LMX1A: variants seen among roughly 807,000 people sequenced by gnomAD.
The protein encoded by LMX1A is LIM homeobox transcription factor 1 alpha, also known as LIM homeobox transcription factor 1-alpha.
A neutral mutation model predicts 49.1 loss-of-function variants in LMX1A; 15 were observed. That is an observed-to-expected ratio of 0.31 (90% CI 0.20 to 0.47). The LOEUF is 0.47. LMX1A is among the 20% of genes least tolerant of loss of function. The pLI is 1.00. For synonymous variants in LMX1A, 167 were observed against 185.7 expected (o/e 0.90, Z 0.82); for missense variants, 372 against 475.8 (o/e 0.78, Z 2.03).
intron 3 of LMX1A, among the ~76,000 whole-genome samples, chr1:165,288,395 C>T (rs1365825852): frequency 6.6e-6 from 1 of 152,182 alleles, no homozygotes. Context: ...CCCATCACCC[C>T]TTTGTAACAA....
intron 3 of LMX1A, among the ~76,000 whole-genome samples, chr1:165,251,866 C>A (rs137982264): frequency 6.6e-6 from 1 of 152,026 alleles, no homozygotes; most frequent in African/African-American, 2.4e-5. Context: ...CACAGTTATC[C>A]GGAGATGTCT....
intron 3 of LMX1A, among the ~76,000 whole-genome samples, chr1:165,302,311 GT>G (rs1464528832): frequency 6.6e-6 from 1 of 152,076 alleles, no homozygotes; most frequent in Non-Finnish European, 1.5e-5. Flanking sequence ...GGGTGTTGTG[GT>G]GCATGCGTGT....
At position 165,325,932 on chromosome 1, in the gene LMX1A, C is replaced by A. The variant is rs372801752; in HGVS notation, c.263+27144G>T. Among the ~76,000 whole-genome samples the A allele has an allele frequency of 6.6e-5, 10 of 152,284 alleles. No homozygotes were observed. The East Asian group carries it at 1.9e-3, about 29-fold the overall frequency. Reference sequence around the variant, plus strand: ...TCTGCAGCTACCCTAAGACCCTCCCCCGGGCCTGCCTGCCTCCTCTTCCTT... The same window carrying A: ...TCTGCAGCTACCCTAAGACCCTCCCACGGGCCTGCCTGCCTCCTCTTCCTT... On this transcript the variant is annotated intron_variant, in intron 3 of 8. Transcript: ENST00000342310.
intron 3 of LMX1A, among the ~76,000 whole-genome samples, chr1:165,334,401 A>G (rs1299477836): frequency 6.6e-6 from 1 of 152,214 alleles, no homozygotes; most frequent in African/African-American, 2.4e-5. Context: ...GTAAGTTTTA[A>G]GTTATTTACA....
At chr1:165,290,017 AG>A (rs1196254922) in intron 3 of LMX1A, among the ~76,000 whole-genome samples, 1 of 152,224 alleles carries the variant, frequency 6.6e-6, no homozygotes, top group Non-Finnish European at 1.5e-5. Flanking sequence ...AAACTGAGGT[AG>A]GTGACAGATT....
chr1:165,217,757 T>G (rs1218592379), intron 4 of LMX1A, among the ~76,000 whole-genome samples: 2 of 152,238 alleles, frequency 1.3e-5, no homozygotes, highest in Non-Finnish European at 2.9e-5. Context: ...TTCAAATCCA[T>G]GTTGCTCAGG....
intron 3 of LMX1A, among the ~76,000 whole-genome samples, chr1:165,327,229 C>G (rs1345545291): frequency 6.6e-6 from 1 of 152,054 alleles, no homozygotes; most frequent in African/African-American, 2.4e-5. Flanking sequence ...GGGAAAGGAC[C>G]ACAGAGGGAC....
chr1:165,242,929 C>CAAAAAAA lies in LMX1A; in HGVS notation c.496+6472_496+6478dup, dbSNP rs35937155. 3.1e-3 allele frequency among the ~76,000 whole-genome samples: 353 copies of CAAAAAAA among 115,048 alleles called. 1 individual carries two copies. Among genetic ancestry groups the CAAAAAAA allele is most frequent in the Middle Eastern group, 5.2e-3 (1 of 192 alleles). The allele number at this position is 115,048 out of a possible 152,430, so 75.5% of individuals were successfully genotyped here. ...TGGACAACAGAGCGAAACTCCACCTCAAAAAAAAAAAAAAAAAACAAAACA... is the reference window on the plus strand; with the variant it reads ...TGGACAACAGAGCGAAACTCCACCTCAAAAAAAAAAAAAAAAAAAAAAAAACAAAACA... On this transcript the variant is annotated intron_variant, in intron 4 of 8. Coordinates refer to ENST00000342310, the MANE Select transcript of LMX1A (RefSeq NM_177398.4).
chr1:165,298,412 A>G (rs1448066445), intron 3 of LMX1A, among the ~76,000 whole-genome samples: 4 of 152,262 alleles, frequency 2.6e-5, no homozygotes, highest in Non-Finnish European at 4.4e-5. Flanking sequence ...ATTCAGCACA[A>G]TTGGCCACAT....
At chr1:165,296,732 T>A (rs1305075990) in intron 3 of LMX1A, among the ~76,000 whole-genome samples, 1 of 152,266 alleles carries the variant, frequency 6.6e-6, no homozygotes, top group Non-Finnish European at 1.5e-5. Flanking sequence ...CTTGTGTGAA[T>A]GAACAGATAT....
intron 3 of LMX1A, among the ~76,000 whole-genome samples, chr1:165,272,712 C>T (rs551475396): frequency 4.6e-5 from 7 of 152,236 alleles, no homozygotes; most frequent in Non-Finnish European, 8.8e-5. Context: ...CACAGAGAAA[C>T]CCAGCAGCTC....
chr1:165,342,669 C>T (rs994498620), intron 3 of LMX1A, among the ~76,000 whole-genome samples: 1 of 151,992 alleles, frequency 6.6e-6, no homozygotes, highest in Non-Finnish European at 1.5e-5. Flanking sequence ...AACAAAGAGG[C>T]AATCCCCAAA....
intron 3 of LMX1A, among the ~76,000 whole-genome samples, chr1:165,289,892 A>C (rs1431081622): frequency 3.3e-5 from 5 of 152,254 alleles, no homozygotes; most frequent in African/African-American, 1.2e-4. Flanking sequence ...CTTCTATGAC[A>C]TAGCTCGGTC....
At chr1:165,335,076 A>G (rs757088276) in intron 3 of LMX1A, among the ~76,000 whole-genome samples, 2 of 152,250 alleles carry the variant, frequency 1.3e-5, no homozygotes, top group Non-Finnish European at 2.9e-5. Flanking sequence ...AAATATTTCT[A>G]TGTAAATTAG....
chr1:165,233,647 T>C (rs934617031), intron 4 of LMX1A, among the ~76,000 whole-genome samples: 8 of 152,226 alleles, frequency 5.3e-5, no homozygotes, highest in Non-Finnish European at 1.0e-4. Flanking sequence ...CCCTGGTTCT[T>C]TTCTGAACAT....
intron 3 of LMX1A, among the ~76,000 whole-genome samples, chr1:165,317,950 C>T (rs894761504): frequency 2.6e-5 from 4 of 152,214 alleles, no homozygotes; most frequent in Admixed American, 6.5e-5. Context: ...CTTCAGAGCA[C>T]GGCACTTCTC....
chr1:165,213,921 G>T, intron 4 of LMX1A, 108 bp from the exon 5 acceptor site: 1 of 921,724 alleles, frequency 1.1e-6, no homozygotes, highest in Non-Finnish European at 1.7e-6. Context: ...ATGGCTTTAT[G>T]TATGAGAGCA....
At chr1:165,302,704 T>G (rs900862562) in intron 3 of LMX1A, among the ~76,000 whole-genome samples, 1 of 152,252 alleles carries the variant, frequency 6.6e-6, no homozygotes, top group Non-Finnish European at 1.5e-5. Flanking sequence ...ACTGAATTTT[T>G]GGTAAGGTCA....
chr1:165,229,041 T>C (rs1652149238), intron 4 of LMX1A, among the ~76,000 whole-genome samples: 3 of 152,164 alleles, frequency 2.0e-5, no homozygotes, highest in Non-Finnish European at 4.4e-5. Flanking sequence ...CTGCAGCCTG[T>C]TCTGAAAGTG....
Sources: gnomAD v4.1 joint callset for allele counts (sites outside exome capture counted in the v4.1 genomes callset) on GRCh38, gnomAD v4.1.1 for gene constraint, MANE v1.5 for transcripts, NCBI Gene and HGNC (gene_info 2026-07-23, HGNC 2026-07-21) for gene names.